The following C1QTNF7 variants were observed in gnomAD, a reference collection of about 807,000 sequenced individuals.
C1QTNF7 encodes the protein C1q and TNF related 7.
A neutral mutation model predicts 19.6 loss-of-function variants in C1QTNF7; 15 were observed. The ratio of observed to expected loss-of-function variants is 0.76; its 90% CI spans 0.51 to 1.18. The LOEUF is 1.18. Among genes scored for constraint, C1QTNF7 ranks in the 50% most tolerant of loss-of-function variants. The pLI, the probability that C1QTNF7 is intolerant of heterozygous loss-of-function variation, is 0.00. For synonymous variants in C1QTNF7, 142 were observed against 137.5 expected (o/e 1.03, Z -0.23); for missense variants, 324 against 359.7 (o/e 0.90, Z 0.80).
chr4:15,354,128 A>G (rs1261303621), intron 1 of C1QTNF7, among the ~76,000 whole-genome samples: 1 of 152,098 alleles, frequency 6.6e-6, no homozygotes, highest in Non-Finnish European at 1.5e-5. Flanking sequence ...TGAGGCTCAG[A>G]GGTCTCACAC....
chr4:15,385,341 G>A (rs1718295625), intron 1 of C1QTNF7, among the ~76,000 whole-genome samples: 1 of 152,248 alleles, frequency 6.6e-6, no homozygotes, highest in Non-Finnish European at 1.5e-5. Flanking sequence ...AGACAGAAAA[G>A]TGTAGACAGG....
At chr4:15,353,510 T>C (rs969129407) in intron 1 of C1QTNF7, among the ~76,000 whole-genome samples, 1 of 152,168 alleles carries the variant, frequency 6.6e-6, no homozygotes, top group African/African-American at 2.4e-5. Flanking sequence ...ATAGAGCTTG[T>C]GTATCAGACC....
At chr4:15,342,146 C>T (rs542681526) in intron 1 of C1QTNF7, among the ~76,000 whole-genome samples, 3 of 152,180 alleles carry the variant, frequency 2.0e-5, no homozygotes, top group East Asian at 1.9e-4. Flanking sequence ...CCATAAAGGG[C>T]GCTGATGAGA....
At chr4:15,433,111 G>A (rs1373801957) in intron 1 of C1QTNF7, among the ~76,000 whole-genome samples, 1 of 152,162 alleles carries the variant, frequency 6.6e-6, no homozygotes, top group Admixed American at 6.5e-5. Context: ...CCTCCTGAAA[G>A]CAACTCTGGC....
chr4:15,368,870 G>A (rs6449130), intron 1 of C1QTNF7, among the ~76,000 whole-genome samples: 2 of 152,066 alleles, frequency 1.3e-5, no homozygotes, highest in Non-Finnish European at 1.5e-5. Context: ...AAGACTTGCA[G>A]AGTTCTTTAG....
chr4:15,367,175 A>G lies in C1QTNF7; in HGVS notation c.13+26968A>G, dbSNP rs181043387. Among the ~76,000 whole-genome samples the G allele has an allele frequency of 3.3e-5, 5 of 152,318 alleles. No individual in the cohort carries two copies. In the East Asian group the frequency reaches 9.6e-4, roughly 29 times the overall value. On this transcript the variant is annotated intron_variant, in intron 1 of 2. Coordinates refer to the C1QTNF7 transcript ENST00000295297. Reference sequence around the variant, plus strand: ...GAATGTTTTCAATCCAAATCTTAAAATTAGAAAGAAGGCAATTTCCAGTCG... The same window carrying G: ...GAATGTTTTCAATCCAAATCTTAAAGTTAGAAAGAAGGCAATTTCCAGTCG...
chr4:15,342,098 C>G (rs1036600388), intron 1 of C1QTNF7, among the ~76,000 whole-genome samples: 1 of 152,206 alleles, frequency 6.6e-6, no homozygotes, highest in African/African-American at 2.4e-5. Flanking sequence ...TGTAATGAAA[C>G]CTGGACAGAG....
chr4:15,442,246 T>A lies in C1QTNF7; in HGVS notation c.317T>A (p.Ile106Lys), dbSNP rs1712793828. 2.5e-6 allele frequency: 4 copies of A among 1,613,792 alleles called. No individual in the cohort carries two copies. In the South Asian group the frequency reaches 3.3e-5, roughly 13 times the overall value. Residue 106 changes from isoleucine (I) to lysine (K), a missense_variant, in exon 3 of 3, where the codon ATA becomes AAA. Transcript: ENST00000444304. Reference protein sequence around the residue: ...DQGETGKKGPIGPEGEKGEVG... With the variant: ...DQGETGKKGPKGPEGEKGEVG... ...GGAGAGACTGGGAAGAAAGGACCCA[T>A]AGGACCAGAGGGAGAGAAAGGAGAA... is the stretch of plus-strand genomic sequence containing the variant.
At chr4:15,368,927 T>C (rs571995360) in intron 1 of C1QTNF7, among the ~76,000 whole-genome samples, 1 of 152,214 alleles carries the variant, frequency 6.6e-6, no homozygotes, top group Non-Finnish European at 1.5e-5. Context: ...ATGGTGAATG[T>C]AAAGCGAAGA....
intron 1 of C1QTNF7, among the ~76,000 whole-genome samples, chr4:15,392,101 A>T (rs1479363697): frequency 6.6e-6 from 1 of 152,184 alleles, no homozygotes; most frequent in Non-Finnish European, 1.5e-5. Context: ...TTTGTTAGAG[A>T]ATGTTTTAGC....
intron 1 of C1QTNF7, among the ~76,000 whole-genome samples, chr4:15,365,251 T>C (rs541047075): frequency 9.9e-5 from 15 of 152,258 alleles, no homozygotes; most frequent in African/African-American, 3.6e-4. Context: ...CTTTTTTTTT[T>C]CAGGCAGCAT....
At chr4:15,427,002 T>C (rs1459637345), upstream of C1QTNF7, among the ~76,000 whole-genome samples, 3 of 152,246 alleles carry the variant, frequency 2.0e-5, no homozygotes, top group African/African-American at 7.2e-5. Context: ...CTAGCTTCTA[T>C]GCTCAAGACA....
intron 1 of C1QTNF7, among the ~76,000 whole-genome samples, chr4:15,397,279 A>G (rs952185389): frequency 6.6e-6 from 1 of 152,218 alleles, no homozygotes. Flanking sequence ...AAGTGAGCTC[A>G]GAGGTGGATT....
chr4:15,358,485 T>G (rs541121039), intron 1 of C1QTNF7: 1 of 152,284 alleles, frequency 6.6e-6, no homozygotes, highest in Admixed American at 6.5e-5. Context: ...CAGTATTTTA[T>G]TGAGGATTTT....
intron 1 of C1QTNF7, among the ~76,000 whole-genome samples, chr4:15,361,942 G>A (rs985246335): frequency 1.3e-5 from 2 of 152,092 alleles, no homozygotes; most frequent in African/African-American, 4.8e-5. Context: ...CCACAGCCCA[G>A]CTGTCTGACA....
chr4:15,386,395 T>C (rs953236246), intron 1 of C1QTNF7, among the ~76,000 whole-genome samples: 6 of 152,184 alleles, frequency 3.9e-5, no homozygotes, highest in Non-Finnish European at 7.4e-5. Flanking sequence ...AGGTCCCTAA[T>C]AGGCACCAGA....
At chr4:15,427,616 C>T (rs920428189), upstream of C1QTNF7, among the ~76,000 whole-genome samples, 1 of 152,178 alleles carries the variant, frequency 6.6e-6, no homozygotes, top group Non-Finnish European at 1.5e-5. Context: ...CCACAAGACA[C>T]CATCCTAGGT....
Position 15,444,777 on chromosome 4 carries a change from CT to C in C1QTNF7, c.*1980del, listed in dbSNP as rs1712931202. On this transcript the variant is annotated 3_prime_UTR_variant, in exon 3 of 3. Coordinates refer to ENST00000444304, the MANE Select transcript of C1QTNF7 (RefSeq NM_031911.5). ...ATTGGGCCTTACATGATGGGTGACA[CT>C]TGGAGTGGCACAAGTTGGGGGAAAG... is the stretch of plus-strand genomic sequence containing the variant. 1 of 152,130 alleles carries C rather than the reference CT, an allele frequency of 6.6e-6. No individual in the cohort carries two copies. Among genetic ancestry groups the C allele is most frequent in the African/African-American group, 2.4e-5 (1 of 41,394 alleles). 9.4% of individuals were successfully genotyped at this position (152,130 alleles called of 1,614,324 possible).
chr4:15,370,939 G>C (rs995154112), intron 1 of C1QTNF7, among the ~76,000 whole-genome samples: 10 of 152,142 alleles, frequency 6.6e-5, no homozygotes, highest in Non-Finnish European at 1.0e-4. Flanking sequence ...AACAAAACTA[G>C]GCTTCTTGAG....
Sources: gnomAD v4.1 joint callset for allele counts (sites outside exome capture counted in the v4.1 genomes callset) on GRCh38, gnomAD v4.1.1 for gene constraint, MANE v1.5 for transcripts, NCBI Gene and HGNC (gene_info 2026-07-23, HGNC 2026-07-21) for gene names.